Variants in ZNF385D observed in about 807,000 individuals in gnomAD.
The protein encoded by ZNF385D is zinc finger protein 385D, also known as zinc finger protein 659.
In ZNF385D, 15 loss-of-function variants were observed where a neutral mutation model predicts 35.8. The ratio of observed to expected loss-of-function variants is 0.42; its 90% CI spans 0.28 to 0.64. The LOEUF is 0.64. Ranked by LOEUF, ZNF385D falls within the 30% of genes least tolerant of loss-of-function variation. The pLI is 0.23. For synonymous variants in ZNF385D, 212 were observed against 186.8 expected (o/e 1.13, Z -1.10); for missense variants, 474 against 494.6 (o/e 0.96, Z 0.39).
intron 3 of ZNF385D, among the ~76,000 whole-genome samples, chr3:22,128,817 TC>T (rs1703602733): frequency 4.6e-5 from 7 of 152,222 alleles, no homozygotes; most frequent in Admixed American, 4.6e-4. Flanking sequence ...TTCTTGGATA[TC>T]ACTGAGCTTC....
chr3:21,780,021 C>T (rs2071430357), intron 3 of ZNF385D, among the ~76,000 whole-genome samples: 1 of 151,904 alleles, frequency 6.6e-6, no homozygotes, highest in African/African-American at 2.4e-5. Context: ...ATGGGAACAT[C>T]TATTGTGTTA....
chr3:21,849,268 T>C (rs1054591130), intron 3 of ZNF385D, among the ~76,000 whole-genome samples: 1 of 145,350 alleles, frequency 6.9e-6, no homozygotes, highest in African/African-American at 2.5e-5. Context: ...TTCAGTGTAA[T>C]AGTGCCACTT....
At chr3:22,126,414 T>C (rs1254028368) in intron 3 of ZNF385D, among the ~76,000 whole-genome samples, 1 of 147,480 alleles carries the variant, frequency 6.8e-6, no homozygotes, top group Non-Finnish European at 1.5e-5. Flanking sequence ...TTCATTTACC[T>C]CAAGGAATTT....
chr3:22,115,958 T>C (rs1225800636), intron 3 of ZNF385D, among the ~76,000 whole-genome samples: 1 of 152,040 alleles, frequency 6.6e-6, no homozygotes, highest in Non-Finnish European at 1.5e-5. Flanking sequence ...CACGACCACT[T>C]CCAAACTGAA....
At chr3:21,807,817 T>G (rs889731836) in intron 3 of ZNF385D, among the ~76,000 whole-genome samples, 1 of 152,202 alleles carries the variant, frequency 6.6e-6, no homozygotes, top group African/African-American at 2.4e-5. Context: ...GGCCCCACTT[T>G]TGAGATTTGA....
intron 3 of ZNF385D, among the ~76,000 whole-genome samples, chr3:21,912,173 A>G (rs1445551106): frequency 6.6e-6 from 1 of 151,922 alleles, no homozygotes; most frequent in Non-Finnish European, 1.5e-5. Flanking sequence ...CTCAGTCTCA[A>G]CCATTTCTCT....
At position 22,214,533 on chromosome 3, in the gene ZNF385D, C is replaced by T. The variant is rs145530977; in HGVS notation, c.107-45498G>A. ...CTTTCAAAAGCAAATAGGAGAAATA[C>T]TGCTAAATTCTTTTTCTCAGCAAGG... On this transcript the variant is annotated intron_variant, in intron 2 of 5. Coordinates refer to the ZNF385D transcript ENST00000494108. Among the ~76,000 whole-genome samples, 1,108 of 152,104 alleles carry T rather than the reference C, an allele frequency of 7.3e-3. 8 individuals are homozygous for T. Among genetic ancestry groups the T allele is most frequent in the African/African-American group, 0.017 (726 of 41,512 alleles).
chr3:21,521,118 C>G (rs1707875234), intron 3 of ZNF385D, among the ~76,000 whole-genome samples: 1 of 152,096 alleles, frequency 6.6e-6, no homozygotes, highest in South Asian at 2.1e-4. Flanking sequence ...TGAACTTGCC[C>G]CAGAGATCAT....
intron 2 of ZNF385D, among the ~76,000 whole-genome samples, chr3:22,187,781 C>A: frequency 6.6e-6 from 1 of 152,110 alleles, no homozygotes; most frequent in Middle Eastern, 3.2e-3. Flanking sequence ...TTTATTCGGA[C>A]AGCGATGGTA....
intron 3 of ZNF385D, among the ~76,000 whole-genome samples, chr3:21,546,753 T>C (rs1204758061): frequency 2.6e-5 from 4 of 151,988 alleles, no homozygotes; most frequent in Non-Finnish European, 5.9e-5. Context: ...ATCCATGGCA[T>C]AAATGAGGTC....
chr3:21,568,488 T>C (rs2063224587), intron 2 of ZNF385D, among the ~76,000 whole-genome samples: 1 of 152,188 alleles, frequency 6.6e-6, no homozygotes, highest in Admixed American at 6.6e-5. Flanking sequence ...TAACATCTTA[T>C]TTTGTGTATG....
At chr3:21,471,655 A>C (rs372399752) in intron 4 of ZNF385D, among the ~76,000 whole-genome samples, 1 of 152,192 alleles carries the variant, frequency 6.6e-6, no homozygotes, top group Non-Finnish European at 1.5e-5. Context: ...CGAGTTAAAC[A>C]TCAAAATATT....
intron 3 of ZNF385D, among the ~76,000 whole-genome samples, chr3:22,138,504 A>G (rs993759962): frequency 8.9e-4 from 136 of 151,978 alleles, no homozygotes; most frequent in African/African-American, 3.1e-3. Flanking sequence ...GCCCTCAGAA[A>G]TAATGCCACA....
chr3:22,108,460 G>C (rs190948214), intron 3 of ZNF385D, among the ~76,000 whole-genome samples: 1 of 151,908 alleles, frequency 6.6e-6, no homozygotes, highest in Non-Finnish European at 1.5e-5. Context: ...CTGATGACAG[G>C]GATTAAAAGA....
intron 3 of ZNF385D, among the ~76,000 whole-genome samples, chr3:21,835,105 G>A (rs2670261): frequency 0.89 from 135,583 of 152,046 alleles, 60,703 homozygotes; most frequent in African/African-American, 0.96. Flanking sequence ...GACCCTAAAT[G>A]AACACACATT....
intron 3 of ZNF385D, among the ~76,000 whole-genome samples, chr3:21,876,986 G>A (rs947256123): frequency 1.3e-5 from 2 of 152,036 alleles, no homozygotes; most frequent in African/African-American, 2.4e-5. Context: ...AAGAGCAACT[G>A]TTAACACAAT....
intron 2 of ZNF385D, among the ~76,000 whole-genome samples, chr3:22,183,003 T>G (rs1695386964): frequency 6.6e-6 from 1 of 152,054 alleles, no homozygotes; most frequent in African/African-American, 2.4e-5. Flanking sequence ...GTATTAAAAT[T>G]AAATTGTAAA....
At chr3:21,635,786 A>C (rs2065413599) in intron 2 of ZNF385D, among the ~76,000 whole-genome samples, 1 of 152,076 alleles carries the variant, frequency 6.6e-6, no homozygotes, top group Non-Finnish European at 1.5e-5. Context: ...CTTAGCTCCC[A>C]CTTATGAGTG....
rs1700880241 is a variant in ZNF385D at position 22,083,672 on chromosome 3, A to G, written c.325+85145T>C. On this transcript the variant is annotated intron_variant, in intron 3 of 5. Coordinates refer to the ZNF385D transcript ENST00000494108. ...GAAAACACTCTGTAGGATATTATCC[A>G]AGAGAAATTCCCCAACCTAGCAAGG... Among the ~76,000 whole-genome samples the G allele has an allele frequency of 2.6e-5, 4 of 152,246 alleles. No individual in the cohort carries two copies. In the South Asian group the frequency reaches 8.3e-4, roughly 32 times the overall value.
Sources: gnomAD v4.1 joint callset for allele counts (sites outside exome capture counted in the v4.1 genomes callset) on GRCh38, gnomAD v4.1.1 for gene constraint, MANE v1.5 for transcripts, NCBI Gene and HGNC (gene_info 2026-07-23, HGNC 2026-07-21) for gene names.